Variants in DNAJC21 observed in about 807,000 individuals in gnomAD.
DNAJC21 encodes the protein dnaJ homolog subfamily C member 21.
DNAJC21 carries 63 observed loss-of-function variants against 72.4 expected under a neutral mutation model. The observed-to-expected ratio is 0.87, with a 90% CI of 0.71 to 1.07. The LOEUF (loss-of-function observed/expected upper bound fraction) is 1.07, where lower values mean the gene tolerates loss of function less well. DNAJC21 is among the 50% of genes least tolerant of loss of function. The pLI, the probability that DNAJC21 is intolerant of heterozygous loss-of-function variation, is 0.00. For missense variants in DNAJC21, 634 were observed against 644.8 expected, an observed-to-expected ratio of 0.98 and a Z score of 0.18; for synonymous variants, 203 against 216.7, an observed-to-expected ratio of 0.94 and a Z score of 0.56.
chr5:34,945,720 A>G, intron 8 of DNAJC21, 41 bp from the exon 9 acceptor site: 2 of 1,519,376 alleles, frequency 1.3e-6, no homozygotes, highest in Non-Finnish European at 1.8e-6. Context: ...TACTCTTCAC[A>G]GAGTCAAGTA....
chr5:34,954,769 G>T lies in DNAJC21; in HGVS notation c.*55G>T. The T allele has an allele frequency of 6.8e-7, 1 of 1,472,890 alleles. No individual in the cohort carries two copies. The highest frequency in any genetic ancestry group is 1.5e-5 in the South Asian group (1 of 67,828). The allele number at this position is 1,472,890 out of a possible 1,614,324, so 91.2% of individuals were successfully genotyped here. A position where few individuals can be genotyped will look rare whatever the true frequency, so the allele number is the denominator to read the frequency against. On this transcript the variant is annotated 3_prime_UTR_variant, in exon 12 of 12. Transcript: ENST00000648817. Reference sequence around the variant, plus strand: ...CTCTAGATTTTGAAACCAAAAAACTGAACTGAAATCATCTAAAGAGTTAAA... The same window carrying T: ...CTCTAGATTTTGAAACCAAAAAACTTAACTGAAATCATCTAAAGAGTTAAA...
Position 34,956,915 on chromosome 5 carries a change from T to A in DNAJC21, c.*2201T>A, listed in dbSNP as rs1301174891. The A allele has an allele frequency of 6.6e-6, 1 of 152,218 alleles. No individual in the cohort carries two copies. The highest frequency in any genetic ancestry group is 1.5e-5 in the Non-Finnish European group (1 of 68,042). 9.4% of individuals were successfully genotyped at this position (152,218 alleles called of 1,614,324 possible). A position where few individuals can be genotyped will look rare whatever the true frequency, so the allele number is the denominator to read the frequency against. Reference sequence around the variant, plus strand: ...TATTGTCTCCATTTATCATACAGGATCATTATGAAAGTAAAATGAAGTAGT... The same window carrying A: ...TATTGTCTCCATTTATCATACAGGAACATTATGAAAGTAAAATGAAGTAGT... On this transcript the variant is annotated 3_prime_UTR_variant, in exon 12 of 12. Coordinates refer to ENST00000648817, the MANE Select transcript of DNAJC21 (RefSeq NM_001012339.3).
chr5:34,936,192 G>T lies in DNAJC21; in HGVS notation c.364G>T (p.Glu122Ter). Residue 122 changes from glutamate (E) to a stop codon, truncating the protein, a stop_gained, in exon 4 of 12, where the codon GAA (glutamate) becomes TAA (stop). Transcript: ENST00000648817. LOFTEE classifies it high-confidence loss of function. ...RNVFEMIAKEELESVLEEEVD... is the reference protein window; with the variant it reads ...RNVFEMIAKE ...TGTTTTTGAAATGATTGCCAAGGAA[G>T]AACTAGAATCTGTGTTAGAGGAAGA... 1 of 1,614,084 alleles carries T rather than the reference G, an allele frequency of 6.2e-7. No homozygotes were observed. The highest frequency in any genetic ancestry group is 8.5e-7 in the Non-Finnish European group (1 of 1,179,988).
intron 9 of DNAJC21, among the ~76,000 whole-genome samples, chr5:34,946,758 G>T (rs1479168881): frequency 6.6e-6 from 1 of 152,076 alleles, no homozygotes; most frequent in African/African-American, 2.4e-5. Context: ...GTGTATGTCA[G>T]TACCATTACA....
chr5:34,945,010 A>G lies in DNAJC21; in HGVS notation c.1127A>G (p.Asp376Gly), dbSNP rs768397070. 1 of 1,613,246 alleles carries G rather than the reference A, an allele frequency of 6.2e-7. No individual in the cohort carries two copies. The highest frequency in any genetic ancestry group is 1.7e-5 in the Admixed American group (1 of 59,718). The part of the protein sequence containing the change: ...LDDNSEEEME[D>G]APKQKLSKKQ... ...GACAATTCTGAGGAAGAAATGGAAG[A>G]TGCACCAAAACAAAAGTACTTCTAA... is the stretch of plus-strand genomic sequence containing the variant. The change falls in exon 8 of 12, where the codon GAT becomes GGT. Residue 376 changes from aspartate (D) to glycine (G), a missense_variant. Coordinates refer to ENST00000648817, the MANE Select transcript of DNAJC21 (RefSeq NM_001012339.3).
chr5:34,935,104 T>G (rs1277131897), intron 2 of DNAJC21, among the ~76,000 whole-genome samples: 4 of 152,236 alleles, frequency 2.6e-5, no homozygotes, highest in Non-Finnish European at 4.4e-5. Flanking sequence ...GTGTAGTGGC[T>G]AGGAGCTGGT....
chr5:34,939,524 C>T (rs1205763100), intron 6 of DNAJC21, among the ~76,000 whole-genome samples: 3 of 152,178 alleles, frequency 2.0e-5, no homozygotes, highest in African/African-American at 7.2e-5. Flanking sequence ...CTCGACCTCC[C>T]AAAGTGCTGG....
intron 10 of DNAJC21, chr5:34,951,045 C>A (rs37439): frequency 0.82 from 805,861 of 985,298 alleles, 332,913 homozygotes; most frequent in Non-Finnish European, 0.85. Flanking sequence ...GGGAGCATGA[C>A]GTGAAAATGC....
intron 7 of DNAJC21, among the ~76,000 whole-genome samples, chr5:34,943,483 C>T (rs1375499509): frequency 6.6e-6 from 1 of 152,130 alleles, no homozygotes; most frequent in African/African-American, 2.4e-5. Flanking sequence ...TTTCATCACC[C>T]AATCAAGGTG....
chr5:34,945,977 C>G (rs190679292), intron 9 of DNAJC21, among the ~76,000 whole-genome samples, 174 bp downstream of exon 9: 9 of 152,152 alleles, frequency 5.9e-5, no homozygotes, highest in African/African-American at 2.2e-4. Context: ...GCTTCCCCCC[C>G]CTTGTATGTA....
chr5:34,944,139 GT>G (rs1157707651), intron 7 of DNAJC21, among the ~76,000 whole-genome samples: 1 of 152,190 alleles, frequency 6.6e-6, no homozygotes, highest in Non-Finnish European at 1.5e-5. Context: ...TGTCAACCCT[GT>G]TTTGTTGAAT....
At position 34,954,575 on chromosome 5, in the gene DNAJC21, C is replaced by A. The variant is rs762419927; in HGVS notation, c.1457C>A (p.Thr486Asn). ...QTMSVLISCTTCHSEFPSRNK... is the reference protein window; with the variant it reads ...QTMSVLISCTNCHSEFPSRNK... ...CAGAGTGTTCTTATCAGCTGTACAA[C>A]CTGCCATAGTGAATTTCCATCTCGG... is the stretch of plus-strand genomic sequence containing the variant. The change falls in exon 12 of 12, where the codon ACC becomes AAC. Residue 486 changes from threonine to asparagine, a missense_variant. Coordinates refer to ENST00000648817, the MANE Select transcript of DNAJC21 (RefSeq NM_001012339.3). 36 of 1,612,262 alleles carry A rather than the reference C, an allele frequency of 2.2e-5. No homozygotes were observed. Among genetic ancestry groups the A allele is most frequent in the Non-Finnish European group, 2.8e-5 (33 of 1,179,410 alleles).
chr5:34,945,437 T>C (rs1765143319), intron 8 of DNAJC21, among the ~76,000 whole-genome samples: 1 of 152,194 alleles, frequency 6.6e-6, no homozygotes, highest in South Asian at 2.1e-4. Context: ...CTCCATATTT[T>C]CTAGTTAATG....
At chr5:34,940,997 A>T in intron 6 of DNAJC21, 99 bp from the exon 7 acceptor site, 1 of 950,758 alleles carries the variant, frequency 1.1e-6, no homozygotes, top group Non-Finnish European at 1.6e-6. Flanking sequence ...ATTTTTTTTT[A>T]GGTAAAGAAA....
chr5:34,945,494 A>G (rs1302785094), intron 8 of DNAJC21, among the ~76,000 whole-genome samples: 1 of 152,228 alleles, frequency 6.6e-6, no homozygotes, highest in Non-Finnish European at 1.5e-5. Flanking sequence ...TATAATATTT[A>G]TAGAACATAT....
At chr5:34,945,135 T>C in intron 8 of DNAJC21, 110 bp downstream of exon 8, 9 of 1,332,898 alleles carry the variant, frequency 6.8e-6, no homozygotes, top group Non-Finnish European at 9.3e-6. Flanking sequence ...TGGGGTGCAG[T>C]GGCGCAGTCT....
chr5:34,947,234 G>T (rs1554028701), intron 9 of DNAJC21, among the ~76,000 whole-genome samples: 1 of 152,090 alleles, frequency 6.6e-6, no homozygotes, highest in Non-Finnish European at 1.5e-5. Flanking sequence ...TGACAGGAAA[G>T]AAAATTTAAT....
At position 34,954,601 on chromosome 5, in the gene DNAJC21, A is replaced by C. The variant is rs372842170; in HGVS notation, c.1483A>C (p.Asn495His). ...TTCHSEFPSR[N>H]KLFDHLKATG... is the part of the protein sequence containing the mutation. ...CTGCCATAGTGAATTTCCATCTCGGAATAAACTTTTTGACCATCTAAAGGC... is the reference window on the plus strand; with the variant it reads ...CTGCCATAGTGAATTTCCATCTCGGCATAAACTTTTTGACCATCTAAAGGC... Residue 495 changes from asparagine (N) to histidine (H), a missense_variant, in exon 12 of 12, where the codon AAT becomes CAT. Coordinates refer to ENST00000648817, the MANE Select transcript of DNAJC21 (RefSeq NM_001012339.3). The C allele has an allele frequency of 6.9e-5, 111 of 1,613,378 alleles. No homozygotes were observed. Among genetic ancestry groups the C allele is most frequent in the Non-Finnish European group, 9.2e-5 (108 of 1,179,800 alleles).
intron 10 of DNAJC21, chr5:34,951,836 C>G: frequency 4.1e-6 from 4 of 985,436 alleles, no homozygotes; most frequent in South Asian, 9.4e-5. Context: ...CATGTTACTT[C>G]TACATGAGAA....
Sources: allele counts gnomAD v4.1 joint callset (sites outside exome capture counted in the v4.1 genomes callset), GRCh38; gene constraint gnomAD v4.1.1; transcripts MANE v1.5; gene names NCBI Gene and HGNC (gene_info 2026-07-23, HGNC 2026-07-21).